SNTA1: variants seen among roughly 807,000 people sequenced by gnomAD.
The protein encoded by SNTA1 is alpha-1-syntrophin.
In SNTA1, 31 loss-of-function variants were observed where a neutral mutation model predicts 47.1. That is an observed-to-expected ratio of 0.66 (90% CI 0.49 to 0.89). The LOEUF (loss-of-function observed/expected upper bound fraction) is 0.89. Ranked by LOEUF, SNTA1 falls within the 40% of genes least tolerant of loss-of-function variation. The probability of loss-of-function intolerance (pLI) is 0.00; values close to 1 mark genes in which losing one functional copy is unlikely to be tolerated. For missense variants in SNTA1, 575 were observed against 693.0 expected, an observed-to-expected ratio of 0.83 and a Z score of 1.91; for synonymous variants, 300 against 313.6, an observed-to-expected ratio of 0.96 and a Z score of 0.46.
At chr20:33,419,759 T>C (rs1324187576) in intron 2 of SNTA1, among the ~76,000 whole-genome samples, 1 of 152,150 alleles carries the variant, frequency 6.6e-6, no homozygotes, top group Non-Finnish European at 1.5e-5. Context: ...AATCAAATCA[T>C]GATCATTCCA....
Position 33,417,738 on chromosome 20 carries a change from G to T in SNTA1, c.682C>A (p.Pro228Thr). 6.2e-7 allele frequency: 1 copy of T among 1,614,010 alleles called. No individual in the cohort carries two copies. The highest frequency in any genetic ancestry group is 1.1e-5 in the South Asian group (1 of 91,082). ...CCTTACCTGGGCTCCGGGTCATTGG[G>T]GGTGCACCTCTTCGAGACATATGCC... is the stretch of plus-strand genomic sequence containing the variant. ...KMAYVSKRCT[P>T]NDPEPRYLEI... The change falls in exon 3 of 8, where the codon CCC (proline) becomes ACC (threonine). Residue 228 changes from proline to threonine, a missense_variant. Pro to Thr is a conservative substitution (Grantham distance 38). Transcript: ENST00000217381.
chr20:33,424,267 T>C (rs1990108316), intron 2 of SNTA1, among the ~76,000 whole-genome samples: 1 of 150,662 alleles, frequency 6.6e-6, no homozygotes, highest in Admixed American at 6.6e-5. Flanking sequence ...TGAGCCAAGA[T>C]TGTACCATTG....
At position 33,412,471 on chromosome 20, in the gene SNTA1, G is replaced by C. The variant is rs779651976; in HGVS notation, c.910-45C>G. 4 of 1,608,158 alleles carry C rather than the reference G, an allele frequency of 2.5e-6. No homozygotes were observed. The South Asian group carries it at 4.4e-5, about 18-fold the overall frequency. On this transcript the variant is annotated intron_variant, in intron 4 of 7. Coordinates refer to ENST00000217381, the MANE Select transcript of SNTA1 (RefSeq NM_003098.3). ...AGTGAGGATGGGTGGGGGAAGAGAG[G>C]GCAGAGGGCCAGGGCAGGGTGAGGT... is the stretch of plus-strand genomic sequence containing the variant.
At chr20:33,431,157 A>G (rs548782254) in intron 2 of SNTA1, among the ~76,000 whole-genome samples, 1 of 152,138 alleles carries the variant, frequency 6.6e-6, no homozygotes, top group Admixed American at 6.6e-5. Flanking sequence ...GCTACTGGAG[A>G]GGCTGTGGTG....
In SNTA1 at chr20:33,417,879, C is replaced by G; in HGVS notation, c.541G>C (p.Gly181Arg). 1 of 1,614,108 alleles carries G rather than the reference C, an allele frequency of 6.2e-7. No individual in the cohort carries two copies. The highest frequency in any genetic ancestry group is 8.5e-7 in the Non-Finnish European group (1 of 1,179,988). Residue 181 changes from glycine to arginine, a missense_variant, in exon 3 of 8, where the codon GGT becomes CGT. Coordinates refer to ENST00000217381, the MANE Select transcript of SNTA1 (RefSeq NM_003098.3). The stretch of plus-strand genomic sequence containing the variant: ...GAGTCCCAGCCGACCGAGGTCCCAC[C>G]AGTAGAGTTCTTGAAATACGGTGAG... ...DVSPYFKNST[G>R]GTSVGWDSPP...
chr20:33,440,496 A>G (rs76737620), intron 1 of SNTA1, among the ~76,000 whole-genome samples: 1 of 151,554 alleles, frequency 6.6e-6, no homozygotes, highest in Non-Finnish European at 1.5e-5. Flanking sequence ...AACACAAAAA[A>G]TTAGCTGGGC....
chr20:33,424,208 G>A (rs936338929), intron 2 of SNTA1, among the ~76,000 whole-genome samples: 2 of 149,942 alleles, frequency 1.3e-5, no homozygotes, highest in Non-Finnish European at 3.0e-5. Flanking sequence ...CAACTACTTG[G>A]GAGGCTGAGG....
intron 2 of SNTA1, among the ~76,000 whole-genome samples, chr20:33,431,472 G>A (rs988282509): frequency 1.3e-5 from 2 of 151,902 alleles, no homozygotes; most frequent in Non-Finnish European, 2.9e-5. Flanking sequence ...GAAGGGCCGG[G>A]CACGGTGGCT....
At chr20:33,437,777 GA>G (rs1310510648) in intron 2 of SNTA1, among the ~76,000 whole-genome samples, 9 of 152,342 alleles carry the variant, frequency 5.9e-5, no homozygotes, top group African/African-American at 2.2e-4. Context: ...AGAGTTTGAG[GA>G]AAGGGCTGAG....
In SNTA1 at chr20:33,438,873, A is replaced by T; in HGVS notation, c.464T>A (p.Leu155His). The change falls in exon 2 of 8, where the codon CTC (leucine) becomes CAC (histidine). Residue 155 changes from leucine (L) to histidine (H), a missense_variant. By Grantham distance (99) the Leu-to-His change is moderately conservative. Transcript: ENST00000217381. ...SATHDEAVQVLKKTGKEVVLE... is the reference protein window; with the variant it reads ...SATHDEAVQVHKKTGKEVVLE... The stretch of plus-strand genomic sequence containing the variant: ...CACCACCTCCTTGCCTGTCTTCTTG[A>T]GGACCTGCACCGCCTCATCATGGGT... 6.2e-7 allele frequency: 1 copy of T among 1,614,102 alleles called. No homozygotes were observed. Among genetic ancestry groups the T allele is most frequent in the Non-Finnish European group, 8.5e-7 (1 of 1,180,006 alleles).
At position 33,410,336 on chromosome 20, in the gene SNTA1, G is replaced by A. The variant is rs1374590957; in HGVS notation, c.1041-5C>T. 4 of 1,590,870 alleles carry A rather than the reference G, an allele frequency of 2.5e-6. No homozygotes were observed. Among genetic ancestry groups the A allele is most frequent in the Middle Eastern group, 2.2e-4 (1 of 4,498 alleles). On this transcript the variant is annotated splice_region_variant and splice_polypyrimidine_tract_variant and intron_variant, in intron 5 of 7. Transcript: ENST00000217381. ...GAGGGGCCTGAGTGCACCAGTCTGG[G>A]GGTTGGGGGCAGAGGGCTGAGCATG...
chr20:33,416,691 A>C (rs886290150), intron 3 of SNTA1, among the ~76,000 whole-genome samples: 1 of 152,122 alleles, frequency 6.6e-6, no homozygotes, highest in African/African-American at 2.4e-5. Flanking sequence ...CTATAATCCC[A>C]GCACTTTGGG....
chr20:33,431,311 C>G (rs2146796264), intron 2 of SNTA1, among the ~76,000 whole-genome samples: 1 of 152,232 alleles, frequency 6.6e-6, no homozygotes, highest in South Asian at 2.1e-4. Flanking sequence ...GTTTTGGCAT[C>G]TGAAAGACTT....
chr20:33,411,163 T>C (rs915971562), intron 5 of SNTA1, among the ~76,000 whole-genome samples: 1 of 151,984 alleles, frequency 6.6e-6, no homozygotes, highest in Non-Finnish European at 1.5e-5. Flanking sequence ...TATAGCTCAG[T>C]TCCCCCCGCC....
rs1443491827 is a variant in SNTA1, at chr20:33,439,005, G to A, written c.332C>T (p.Pro111Leu). 1.9e-6 allele frequency: 3 copies of A among 1,614,156 alleles called. No individual in the cohort carries two copies. The highest frequency in any genetic ancestry group is 2.7e-5 in the African/African-American group (2 of 75,050). The change falls in exon 2 of 8, where the codon CCT (proline) becomes CTT (leucine). Residue 111 changes from proline to leucine, a missense_variant. Coordinates refer to ENST00000217381, the MANE Select transcript of SNTA1 (RefSeq NM_003098.3). ...SIKGGRENKM[P>L]ILISKIFKGL... is the part of the protein sequence containing the mutation. Reference sequence around the variant, plus strand: ...CTTGAAGATCTTGGAAATGAGAATAGGCATCTTGTTCTCCCGGCCGCCTGC... The same window carrying A: ...CTTGAAGATCTTGGAAATGAGAATAAGCATCTTGTTCTCCCGGCCGCCTGC...
Position 33,440,458 on chromosome 20 carries a change from A to AAAAT in SNTA1, c.311-1436_311-1433dup, listed in dbSNP as rs142458129. On this transcript the variant is annotated intron_variant, in intron 1 of 7. Coordinates refer to ENST00000217381, the MANE Select transcript of SNTA1 (RefSeq NM_003098.3). Reference sequence around the variant, plus strand: ...CAATAAGAGCGAAACTCCATCTCAAAAAATAAATAAATAAATAAATAAATA... The same window carrying AAAAT: ...CAATAAGAGCGAAACTCCATCTCAAAAAATAAATAAATAAATAAATAAATAAATA... Among the ~76,000 whole-genome samples the AAAAT allele has an allele frequency of 7.8e-3, 1,189 of 151,978 alleles. 11 individuals are homozygous for AAAAT. The highest frequency in any genetic ancestry group is 0.026 in the African/African-American group (1,081 of 41,420).
intron 2 of SNTA1, among the ~76,000 whole-genome samples, chr20:33,429,885 C>T (rs2146793732): frequency 6.6e-6 from 1 of 152,252 alleles, no homozygotes; most frequent in South Asian, 2.1e-4. Flanking sequence ...GCCTCAGCAT[C>T]CCAAGTAGCT....
chr20:33,419,067 T>G (rs1244682373), intron 2 of SNTA1, among the ~76,000 whole-genome samples: 1 of 151,926 alleles, frequency 6.6e-6, no homozygotes, highest in South Asian at 2.1e-4. Context: ...TGAGCCAAGA[T>G]TGCGCACTCC....
chr20:33,430,564 C>T (rs1367845853), intron 2 of SNTA1, among the ~76,000 whole-genome samples: 1 of 151,848 alleles, frequency 6.6e-6, no homozygotes, highest in Admixed American at 6.6e-5. Flanking sequence ...GTGGGAGCCA[C>T]CGCACCCAGC....
Sources: allele counts gnomAD v4.1 joint callset (sites outside exome capture counted in the v4.1 genomes callset), GRCh38; gene constraint gnomAD v4.1.1; transcripts MANE v1.5; gene names NCBI Gene and HGNC (gene_info 2026-07-23, HGNC 2026-07-21).